Variants in PPFIA2 observed in about 807,000 individuals in gnomAD.
PPFIA2 encodes liprin-alpha-2.
PPFIA2 carries 46 observed loss-of-function variants against 175.5 expected under a neutral mutation model. That is an observed-to-expected ratio of 0.26 (90% CI 0.21 to 0.34). The LOEUF is 0.34. PPFIA2 is among the 10% of genes least tolerant of loss of function. The pLI is 1.00. For synonymous variants in PPFIA2, 568 were observed against 511.4 expected (o/e 1.11, Z -1.49); for missense variants, 1,179 against 1,506.1 (o/e 0.78, Z 3.60).
chr12:81,568,571 C>T (rs1567374060), intron 4 of PPFIA2, among the ~76,000 whole-genome samples: 2 of 152,192 alleles, frequency 1.3e-5, no homozygotes, highest in Admixed American at 1.3e-4. Flanking sequence ...CTCAAATCTG[C>T]AGCTTTCAGC....
At chr12:81,499,366 C>A (rs999327923) in intron 4 of PPFIA2, among the ~76,000 whole-genome samples, 5 of 152,180 alleles carry the variant, frequency 3.3e-5, no homozygotes, top group African/African-American at 1.2e-4. Flanking sequence ...TTCATTTTAT[C>A]TTCTTCCTCT....
intron 4 of PPFIA2, among the ~76,000 whole-genome samples, chr12:81,502,743 T>G (rs1224507302): frequency 6.6e-6 from 1 of 152,176 alleles, no homozygotes; most frequent in Non-Finnish European, 1.5e-5. Context: ...TACTCAAATG[T>G]TAATACCACT....
chr12:81,494,324 T>C (rs948106337), intron 4 of PPFIA2, among the ~76,000 whole-genome samples: 2 of 151,800 alleles, frequency 1.3e-5, no homozygotes, highest in African/African-American at 2.4e-5. Context: ...ATTTATGCAG[T>C]CAAAAAACAC....
At chr12:81,538,777 G>C (rs2065781630) in intron 4 of PPFIA2, among the ~76,000 whole-genome samples, 1 of 151,862 alleles carries the variant, frequency 6.6e-6, no homozygotes, top group African/African-American at 2.4e-5. Context: ...GGTGAAGTCA[G>C]AGCATGAGTC....
chr12:81,515,288 G>A (rs1198481100), intron 4 of PPFIA2, among the ~76,000 whole-genome samples: 1 of 151,950 alleles, frequency 6.6e-6, no homozygotes, highest in East Asian at 1.9e-4. Context: ...TAAATCAAAA[G>A]AAACCTTTCC....
At chr12:81,343,120 T>C (rs1248839985) in intron 19 of PPFIA2, among the ~76,000 whole-genome samples, 2 of 152,070 alleles carry the variant, frequency 1.3e-5, no homozygotes, top group African/African-American at 4.8e-5. Flanking sequence ...ATCAATAAAA[T>C]GGAAGTGATA....
chr12:81,399,681 T>C (rs2041806070), intron 8 of PPFIA2, among the ~76,000 whole-genome samples: 1 of 152,138 alleles, frequency 6.6e-6, no homozygotes, highest in African/African-American at 2.4e-5. Flanking sequence ...AGCCCATGTA[T>C]ATCTTTAGAC....
rs533956237 is a variant in PPFIA2 at position 81,668,572 on chromosome 12, G to T, written c.303+8219C>A. 2.3e-4 allele frequency among the ~76,000 whole-genome samples: 35 copies of T among 151,998 alleles called. No individual in the cohort carries two copies. In the South Asian group the frequency reaches 7.1e-3, roughly 31 times the overall value. ...CTTCTTTCTATGAGTCATTGCTTTG[G>T]GTCCACCCTCATTTGGCTAAGGAGA... On this transcript the variant is annotated intron_variant, in intron 4 of 32. Coordinates refer to ENST00000549396, the MANE Select transcript of PPFIA2 (RefSeq NM_003625.5).
At chr12:81,687,695 T>C (rs967988440) in intron 3 of PPFIA2, 2 of 152,080 alleles carry the variant, frequency 1.3e-5, no homozygotes, top group African/African-American at 2.4e-5. Context: ...AATTGCTTTA[T>C]GTTCTTTACA....
At chr12:81,724,455 C>A (rs973102496) in intron 3 of PPFIA2, among the ~76,000 whole-genome samples, 1 of 150,892 alleles carries the variant, frequency 6.6e-6, no homozygotes, top group South Asian at 2.1e-4. Context: ...CATTAGGTAA[C>A]TTTTCATCCC....
intron 7 of PPFIA2, among the ~76,000 whole-genome samples, chr12:81,431,987 T>C (rs1306949590): frequency 6.6e-6 from 1 of 152,216 alleles, no homozygotes; most frequent in Non-Finnish European, 1.5e-5. Flanking sequence ...GTTTTTCCTA[T>C]TCATACCCCT....
chr12:81,625,720 G>A (rs2062622896), intron 4 of PPFIA2, among the ~76,000 whole-genome samples: 1 of 151,064 alleles, frequency 6.6e-6, no homozygotes, highest in African/African-American at 2.4e-5. Flanking sequence ...ATAAAATATT[G>A]ATTGATTTCA....
intron 4 of PPFIA2, among the ~76,000 whole-genome samples, chr12:81,521,374 C>G (rs1042116233): frequency 6.6e-6 from 1 of 152,034 alleles, no homozygotes; most frequent in Non-Finnish European, 1.5e-5. Context: ...ATGGTTTATT[C>G]TGATATTTAC....
At chr12:81,736,932 AG>A (rs2081653395) in intron 3 of PPFIA2, among the ~76,000 whole-genome samples, 1 of 151,998 alleles carries the variant, frequency 6.6e-6, no homozygotes, top group South Asian at 2.1e-4. Flanking sequence ...TTTGTAGAGA[AG>A]GGGGTCTCAC....
intron 25 of PPFIA2, among the ~76,000 whole-genome samples, chr12:81,283,781 T>C (rs2042629648): frequency 6.6e-6 from 1 of 152,114 alleles, no homozygotes; most frequent in South Asian, 2.1e-4. Context: ...CAAATTAACA[T>C]AACACTTTTT....
At chr12:81,570,774 T>G (rs2072387273) in intron 4 of PPFIA2, among the ~76,000 whole-genome samples, 1 of 150,570 alleles carries the variant, frequency 6.6e-6, no homozygotes, top group Non-Finnish European at 1.5e-5. Flanking sequence ...TATGTATTAA[T>G]TTCAAAATAG....
chr12:81,320,933 T>G (rs904249786), intron 22 of PPFIA2, among the ~76,000 whole-genome samples: 6 of 151,866 alleles, frequency 4.0e-5, no homozygotes, highest in Admixed American at 1.3e-4. Flanking sequence ...TGTCAGATAG[T>G]CCAGCATAAC....
At chr12:81,362,853 A>C in intron 14 of PPFIA2, 69 bp from the exon 15 acceptor site, 1 of 952,434 alleles carries the variant, frequency 1.0e-6, no homozygotes, top group Non-Finnish European at 1.6e-6. Context: ...AATGAGTCTT[A>C]ATGATTTTTT....
intron 8 of PPFIA2, among the ~76,000 whole-genome samples, chr12:81,388,528 G>T (rs1232715007): frequency 1.3e-5 from 2 of 151,906 alleles, no homozygotes; most frequent in South Asian, 2.1e-4. Context: ...CTTCAAGGGG[G>T]CATGAGAGCA....
Sources: gnomAD v4.1 joint callset for allele counts (sites outside exome capture counted in the v4.1 genomes callset) on GRCh38, gnomAD v4.1.1 for gene constraint, MANE v1.5 for transcripts, NCBI Gene and HGNC (gene_info 2026-07-23, HGNC 2026-07-21) for gene names.